Variants in PPP1R37 observed in about 807,000 individuals in gnomAD.
The protein encoded by PPP1R37 is protein phosphatase 1 regulatory subunit 37.
PPP1R37 carries 21 observed loss-of-function variants against 61.0 expected under a neutral mutation model. That is an observed-to-expected ratio of 0.34 (90% CI 0.24 to 0.50). The LOEUF (loss-of-function observed/expected upper bound fraction) is 0.50, where lower values mean the gene tolerates loss of function less well. PPP1R37 is among the 20% of genes least tolerant of loss of function. The pLI, the probability that PPP1R37 is intolerant of heterozygous loss-of-function variation, is 0.98. For synonymous variants in PPP1R37, 443 were observed against 433.5 expected, an observed-to-expected ratio of 1.02 and a Z score of -0.27; for missense variants, 910 against 952.7, an observed-to-expected ratio of 0.96 and a Z score of 0.59.
chr19:45,136,674 G>A (rs575668437), intron 1 of PPP1R37, among the ~76,000 whole-genome samples: 18 of 152,362 alleles, frequency 1.2e-4, no homozygotes, highest in Non-Finnish European at 2.2e-4. Context: ...GGAGGAGGAA[G>A]TGCTCAGGCA....
At chr19:45,115,359 C>T (rs952408803) in intron 1 of PPP1R37, among the ~76,000 whole-genome samples, 14 of 152,140 alleles carry the variant, frequency 9.2e-5, no homozygotes, top group African/African-American at 3.4e-4. Context: ...GCTTTGAAGT[C>T]AGGCCTACCT....
At chr19:45,131,915 C>T (rs1409181551) in intron 1 of PPP1R37, among the ~76,000 whole-genome samples, 2 of 152,200 alleles carry the variant, frequency 1.3e-5, no homozygotes, top group Non-Finnish European at 2.9e-5. Flanking sequence ...TTGCCTGCGA[C>T]CCCACAGGTG....
intron 1 of PPP1R37, among the ~76,000 whole-genome samples, chr19:45,127,378 C>G (rs1968420032): frequency 6.8e-6 from 1 of 147,666 alleles, no homozygotes; most frequent in Non-Finnish European, 1.5e-5. Flanking sequence ...AAAAAAAAAC[C>G]CTAGGTGGCA....
intron 1 of PPP1R37, among the ~76,000 whole-genome samples, chr19:45,128,053 A>C (rs566513936): frequency 1.3e-5 from 2 of 152,284 alleles, no homozygotes; most frequent in South Asian, 4.1e-4. Flanking sequence ...GCATTTATCG[A>C]AATACCACAT....
chr19:45,138,671 A>G lies in PPP1R37; in HGVS notation c.300+60A>G, dbSNP rs775511005. The G allele has an allele frequency of 2.4e-3, 3,074 of 1,277,668 alleles. 10 individuals carry two copies. The highest frequency in any genetic ancestry group is 3.0e-3 in the Non-Finnish European group (2,729 of 916,046). 79.1% of individuals were successfully genotyped at this position (1,277,668 alleles called of 1,614,324 possible). On this transcript the variant is annotated intron_variant, in intron 2 of 12. Transcript: ENST00000221462. Reference sequence around the variant, plus strand: ...GGTGTCAAGGGGGGCCCTAGGGTGGAACCAGCCCAGCAGGAGAGGGCCTCC... The same window carrying G: ...GGTGTCAAGGGGGGCCCTAGGGTGGGACCAGCCCAGCAGGAGAGGGCCTCC...
chr19:45,136,286 G>A (rs1339787243), intron 1 of PPP1R37: 3 of 152,142 alleles, frequency 2.0e-5, no homozygotes, highest in Non-Finnish European at 2.9e-5. Flanking sequence ...AATATCTGTC[G>A]TTTCTTTTCA....
At chr19:45,135,639 C>T (rs1338573987) in intron 1 of PPP1R37, among the ~76,000 whole-genome samples, 1 of 152,208 alleles carries the variant, frequency 6.6e-6, no homozygotes, top group African/African-American at 2.4e-5. Flanking sequence ...TAGGGTGGGC[C>T]TGGCCTGGCT....
chr19:45,116,722 G>A (rs1277566901), intron 1 of PPP1R37, among the ~76,000 whole-genome samples: 2 of 152,126 alleles, frequency 1.3e-5, no homozygotes, highest in African/African-American at 2.4e-5. Flanking sequence ...GACTCACAGC[G>A]ACAGACACCA....
chr19:45,127,658 G>A (rs533023420), intron 1 of PPP1R37, among the ~76,000 whole-genome samples: 3 of 152,184 alleles, frequency 2.0e-5, no homozygotes, highest in Admixed American at 6.5e-5. Flanking sequence ...GTAAAAAGGT[G>A]GACAGAGATT....
chr19:45,096,815 TG>T, intron 1 of PPP1R37, among the ~76,000 whole-genome samples: 1 of 151,424 alleles, frequency 6.6e-6, no homozygotes, highest in Non-Finnish European at 1.5e-5. Flanking sequence ...GCTGCAGAGG[TG>T]ATGACATGGA....
In PPP1R37 at chr19:45,099,860, T is replaced by C. The variant is rs114196847; in HGVS notation, c.202+6333T>C. On this transcript the variant is annotated intron_variant, in intron 1 of 12. Transcript: ENST00000221462. Reference sequence around the variant, plus strand: ...CCAGTTGGTGCCAGGACGAGGACTCTTTCTCAGGGACCTACAGACAGGCTT... The same window carrying C: ...CCAGTTGGTGCCAGGACGAGGACTCCTTCTCAGGGACCTACAGACAGGCTT... Among the ~76,000 whole-genome samples the C allele has an allele frequency of 8.4e-3, 1,276 of 152,350 alleles. 15 individuals are homozygous for C. The highest frequency in any genetic ancestry group is 0.027 in the African/African-American group (1,143 of 41,584).
intron 1 of PPP1R37, among the ~76,000 whole-genome samples, chr19:45,125,523 T>C (rs1268690348): frequency 6.6e-6 from 1 of 152,192 alleles, no homozygotes; most frequent in East Asian, 1.9e-4. Context: ...GGCTGTTCCC[T>C]CCTGATGGGT....
At chr19:45,113,607 A>T (rs1386283408) in intron 1 of PPP1R37, among the ~76,000 whole-genome samples, 1 of 152,176 alleles carries the variant, frequency 6.6e-6, no homozygotes, top group African/African-American at 2.4e-5. Context: ...TTGACTCTTC[A>T]TGGCAAAGCT....
intron 1 of PPP1R37, among the ~76,000 whole-genome samples, chr19:45,118,542 T>G (rs1968298690): frequency 6.6e-6 from 1 of 152,158 alleles, no homozygotes; most frequent in African/African-American, 2.4e-5. Flanking sequence ...GTGCTAAGGT[T>G]TCAGGGAGCT....
intron 1 of PPP1R37, among the ~76,000 whole-genome samples, chr19:45,096,206 G>A (rs1011440939): frequency 4.6e-5 from 7 of 152,160 alleles, no homozygotes; most frequent in Non-Finnish European, 1.5e-5. Context: ...TGCTTCAGAG[G>A]CTTCCAGGAG....
chr19:45,112,969 C>T (rs1968220675), intron 1 of PPP1R37, among the ~76,000 whole-genome samples: 1 of 152,202 alleles, frequency 6.6e-6, no homozygotes, highest in Non-Finnish European at 1.5e-5. Flanking sequence ...TCATACTTTC[C>T]CTAATGCCTG....
chr19:45,139,896 G>C (rs1386824831), intron 2 of PPP1R37, among the ~76,000 whole-genome samples: 3 of 152,190 alleles, frequency 2.0e-5, no homozygotes. Context: ...CTCATTTCCT[G>C]CCTCACAGCC....
In PPP1R37 at chr19:45,142,218, C is replaced by G. The variant is rs1476241486; in HGVS notation, c.718+7C>G. The G allele has an allele frequency of 7.8e-6, 12 of 1,533,318 alleles. No homozygotes were observed. The Admixed American group carries it at 2.0e-4, about 25-fold the overall frequency. 95.0% of individuals were successfully genotyped at this position (1,533,318 alleles called of 1,614,324 possible). On this transcript the variant is annotated splice_region_variant and intron_variant, in intron 6 of 12. Coordinates refer to ENST00000221462, the MANE Select transcript of PPP1R37 (RefSeq NM_019121.2). Reference sequence around the variant, plus strand: ...CGGCCCCTCATGCTGCTCGGTGAGCCCCAAGCCCGGGAGGGTGAGCAGGAT... The same window carrying G: ...CGGCCCCTCATGCTGCTCGGTGAGCGCCAAGCCCGGGAGGGTGAGCAGGAT...
chr19:45,097,646 C>T (rs930060080), intron 1 of PPP1R37, among the ~76,000 whole-genome samples: 2 of 151,940 alleles, frequency 1.3e-5, no homozygotes, highest in African/African-American at 2.4e-5. Flanking sequence ...CAGGCTTATC[C>T]GGATTCCCAT....
Sources: gnomAD v4.1 joint callset for allele counts (sites outside exome capture counted in the v4.1 genomes callset) on GRCh38, gnomAD v4.1.1 for gene constraint, MANE v1.5 for transcripts, NCBI Gene and HGNC (gene_info 2026-07-23, HGNC 2026-07-21) for gene names.